The following CDH13 variants were observed in gnomAD, a reference collection of about 807,000 sequenced individuals.
CDH13 encodes cadherin 13, also known as cadherin-13.
A neutral mutation model predicts 63.8 loss-of-function variants in CDH13; 24 were observed. The ratio of observed to expected loss-of-function variants is 0.38; its 90% CI spans 0.27 to 0.53. The LOEUF (loss-of-function observed/expected upper bound fraction) is 0.53. Ranked by LOEUF, CDH13 falls within the 20% of genes least tolerant of loss-of-function variation. CDH13 has a pLI of 0.85. For missense variants in CDH13, 1,049 were observed against 903.1 expected, an observed-to-expected ratio of 1.16 and a Z score of -2.07; for synonymous variants, 503 against 355.3, an observed-to-expected ratio of 1.42 and a Z score of -4.67.
intron 4 of CDH13, among the ~76,000 whole-genome samples, chr16:83,206,897 A>T (rs1424036952): frequency 3.7e-5 from 1 of 27,162 alleles, no homozygotes; most frequent in Non-Finnish European, 2.1e-4. Flanking sequence ...TTCTCTGTGC[A>T]TTCAAACCAC....
intron 5 of CDH13, among the ~76,000 whole-genome samples, chr16:83,241,387 G>C (rs1904431156): frequency 6.6e-6 from 1 of 152,120 alleles, no homozygotes; most frequent in Non-Finnish European, 1.5e-5. Context: ...ATTGTCTTTA[G>C]CTTTTTGAGA....
chr16:83,396,031 G>A (rs2091880759), intron 6 of CDH13, among the ~76,000 whole-genome samples: 1 of 152,116 alleles, frequency 6.6e-6, no homozygotes, highest in South Asian at 2.1e-4. Context: ...CACTATGAGT[G>A]GGAACATGTG....
At chr16:82,680,767 G>C (rs1914455857) in intron 1 of CDH13, among the ~76,000 whole-genome samples, 2 of 152,200 alleles carry the variant, frequency 1.3e-5, no homozygotes, top group South Asian at 4.1e-4. Context: ...ATAGCAGGAA[G>C]TTATTACTAC....
chr16:82,627,636 G>C (rs918154846), intron 1 of CDH13, among the ~76,000 whole-genome samples: 8 of 152,250 alleles, frequency 5.3e-5, no homozygotes, highest in African/African-American at 1.9e-4. Flanking sequence ...CGACTTCCCA[G>C]GGCGCCCGGG....
In CDH13 at chr16:83,797,730, C is replaced by T. The variant is rs759355374; in HGVS notation, c.*2700C>T. On this transcript the variant is annotated 3_prime_UTR_variant, in exon 14 of 14. Coordinates refer to ENST00000567109, the MANE Select transcript of CDH13 (RefSeq NM_001257.5). The stretch of plus-strand genomic sequence containing the variant: ...GAAGTCAAGTAAGGACCAGAAATTG[C>T]TTTTCCCAATTACTGAGCACAGGTC... The T allele has an allele frequency of 6.6e-6, 1 of 152,166 alleles. No individual in the cohort carries two copies. The highest frequency in any genetic ancestry group is 2.4e-5 in the African/African-American group (1 of 41,436). 9.4% of individuals were successfully genotyped at this position (152,166 alleles called of 1,614,324 possible). A position where few individuals can be genotyped will look rare whatever the true frequency, so the allele number is the denominator to read the frequency against.
chr16:83,212,748 G>T (rs1258960523), intron 4 of CDH13, among the ~76,000 whole-genome samples: 1 of 152,144 alleles, frequency 6.6e-6, no homozygotes, highest in Non-Finnish European at 1.5e-5. Context: ...GAATCACCTG[G>T]GGAGGGGGGA....
chr16:82,733,648 G>A (rs762963827), intron 1 of CDH13, among the ~76,000 whole-genome samples: 2 of 152,178 alleles, frequency 1.3e-5, no homozygotes, highest in Admixed American at 1.3e-4. Flanking sequence ...GATGCTCAAG[G>A]TCACAGACCC....
At chr16:83,773,639 C>T (rs762913680) in intron 11 of CDH13, among the ~76,000 whole-genome samples, 1 of 152,090 alleles carries the variant, frequency 6.6e-6, no homozygotes, top group African/African-American at 2.4e-5. Context: ...GACACAAAGC[C>T]AAACCATATC....
intron 10 of CDH13, among the ~76,000 whole-genome samples, chr16:83,712,077 G>A (rs1908145424): frequency 6.6e-6 from 1 of 152,068 alleles, no homozygotes; most frequent in African/African-American, 2.4e-5. Flanking sequence ...TTCTCATGAG[G>A]ACACCAGTCA....
intron 1 of CDH13, among the ~76,000 whole-genome samples, chr16:82,793,379 G>A (rs1370799610): frequency 3.5e-5 from 4 of 113,938 alleles, no homozygotes; most frequent in Non-Finnish European, 8.1e-5. Flanking sequence ...GGAAAAGGGA[G>A]GGAAAAAAAA....
intron 1 of CDH13, among the ~76,000 whole-genome samples, chr16:82,792,481 A>G (rs1360937266): frequency 6.6e-6 from 1 of 152,208 alleles, no homozygotes; most frequent in Non-Finnish European, 1.5e-5. Context: ...ACAATTCAGT[A>G]CAATTCTGGG....
At chr16:83,692,134 A>G (rs935450296) in intron 10 of CDH13, among the ~76,000 whole-genome samples, 4 of 152,200 alleles carry the variant, frequency 2.6e-5, no homozygotes, top group African/African-American at 9.7e-5. Flanking sequence ...CTGTGTGTGC[A>G]ATTACCAGAC....
At chr16:82,881,528 C>G (rs1402246964) in intron 2 of CDH13, among the ~76,000 whole-genome samples, 3 of 152,144 alleles carry the variant, frequency 2.0e-5, no homozygotes, top group African/African-American at 7.2e-5. Context: ...GAGCCATGAC[C>G]TTAGAGGAAA....
At chr16:83,288,140 G>A (rs1401718504) in intron 5 of CDH13, among the ~76,000 whole-genome samples, 5 of 152,168 alleles carry the variant, frequency 3.3e-5, no homozygotes, top group Non-Finnish European at 7.4e-5. Flanking sequence ...CGTTAAAATA[G>A]TACATATCTT....
At position 83,748,650 on chromosome 16, in the gene CDH13, A is replaced by G. The variant is rs140226579; in HGVS notation, c.1681+400A>G. On this transcript the variant is annotated intron_variant, in intron 11 of 13. Transcript: ENST00000567109. ...ACCCTGACCATTGAATTGTTCTTGTAGCTTTTATCCTATTATGACACGCTG... is the reference window on the plus strand; with the variant it reads ...ACCCTGACCATTGAATTGTTCTTGTGGCTTTTATCCTATTATGACACGCTG... 1.5e-3 allele frequency among the ~76,000 whole-genome samples: 227 copies of G among 152,328 alleles called. 1 individual carries two copies. Among genetic ancestry groups the G allele is most frequent in the African/African-American group, 5.2e-3 (218 of 41,580 alleles).
chr16:83,772,661 C>G (rs11639846), intron 11 of CDH13: 1 of 152,120 alleles, frequency 6.6e-6, no homozygotes, highest in Middle Eastern at 3.2e-3. Context: ...CTCATTAAGT[C>G]GCTTGCCAAC....
At chr16:82,787,017 A>T (rs1055199095) in intron 1 of CDH13, among the ~76,000 whole-genome samples, 8 of 152,188 alleles carry the variant, frequency 5.3e-5, no homozygotes, top group Admixed American at 5.2e-4. Flanking sequence ...CACAATTTCC[A>T]GTGAGTCTTG....
chr16:82,942,938 T>C (rs1464162921), intron 2 of CDH13, among the ~76,000 whole-genome samples: 1 of 152,188 alleles, frequency 6.6e-6, no homozygotes, highest in Non-Finnish European at 1.5e-5. Flanking sequence ...TCAGAGTCTG[T>C]GCTCTACCCC....
chr16:83,240,686 A>C (rs1019081341), intron 5 of CDH13, among the ~76,000 whole-genome samples: 3 of 151,060 alleles, frequency 2.0e-5, no homozygotes, highest in African/African-American at 7.3e-5. Context: ...AAAAAAAAAA[A>C]AAAACATGAC....
Sources: gnomAD v4.1 joint callset for allele counts (sites outside exome capture counted in the v4.1 genomes callset) on GRCh38, gnomAD v4.1.1 for gene constraint, MANE v1.5 for transcripts, NCBI Gene and HGNC (gene_info 2026-07-23, HGNC 2026-07-21) for gene names.